GPRIN3: variants seen among roughly 807,000 people sequenced by gnomAD.
The protein encoded by GPRIN3 is G protein-regulated inducer of neurite outgrowth 3.
Under a neutral mutation model 13.7 loss-of-function variants are expected in GPRIN3, and 12 were observed. That is an observed-to-expected ratio of 0.87 (90% CI 0.56 to 1.42). The LOEUF is 1.42. GPRIN3 is among the 40% of genes most tolerant of loss of function. The pLI, the probability that GPRIN3 is intolerant of heterozygous loss-of-function variation, is 0.00. For missense variants in GPRIN3, 1,009 were observed against 958.7 expected, an observed-to-expected ratio of 1.05 and a Z score of -0.69; for synonymous variants, 377 against 372.7, an observed-to-expected ratio of 1.01 and a Z score of -0.13.
At chr4:89,292,991 T>C (rs1724624604) in intron 1 of GPRIN3, among the ~76,000 whole-genome samples, 1 of 152,212 alleles carries the variant, frequency 6.6e-6, no homozygotes, top group African/African-American at 2.4e-5. Flanking sequence ...ATGAGTTCAG[T>C]GGTAAATGAC....
intron 1 of GPRIN3, among the ~76,000 whole-genome samples, chr4:89,302,768 G>A (rs182014330): frequency 4.1e-4 from 63 of 152,132 alleles, no homozygotes; most frequent in African/African-American, 1.5e-3. Context: ...AAATGTTTTT[G>A]TTATTCCAGA....
At chr4:89,275,928 C>T (rs1724081217) in intron 1 of GPRIN3, among the ~76,000 whole-genome samples, 1 of 152,176 alleles carries the variant, frequency 6.6e-6, no homozygotes, top group South Asian at 2.1e-4. Context: ...GTGGAGCTCC[C>T]AGTTCCATAA....
chr4:89,285,796 A>G (rs1724389131), intron 1 of GPRIN3, among the ~76,000 whole-genome samples: 1 of 152,218 alleles, frequency 6.6e-6, no homozygotes, highest in Non-Finnish European at 1.5e-5. Flanking sequence ...GAACTGGCTT[A>G]TGAACTGGTG....
At chr4:89,256,887 T>C (rs552063816) in intron 1 of GPRIN3, among the ~76,000 whole-genome samples, 1 of 152,304 alleles carries the variant, frequency 6.6e-6, no homozygotes, top group South Asian at 2.1e-4. Flanking sequence ...ATCTAATTGC[T>C]CCCTTTAATT....
rs151008108 is a variant in GPRIN3, at chr4:89,249,291, G to T, written c.820C>A (p.Pro274Thr). 4.6e-5 allele frequency: 75 copies of T among 1,614,104 alleles called. 1 individual carries two copies. In the African/African-American group the frequency reaches 8.4e-4, roughly 18 times the overall value. ...TCTGGACCTGGGGGACATGCCGAAG[G>T]TTCGCTAGTGAGGGGGGTTGGTTGA... ...TPQPTPLTSE[P>T]SACPPGPEKV... Residue 274 changes from proline (P) to threonine (T), a missense_variant, in exon 2 of 2, where the codon CCT becomes ACT. Transcript: ENST00000609438.
rs1276610128 is a variant in GPRIN3 at position 89,248,873 on chromosome 4, AG to A, written c.1237del (p.Leu413TyrfsTer28). ...TGAGGTTTTAAGGACCCCACCTGGT[AG>A]GCTCGCAAGTTTATTTTCCCGTTGG... ...AFQRENKLASLPGGVLKTSSI... is the reference protein window; with the variant it reads ...AFQRENKLASXPGGVLKTSSI... On this transcript the variant is annotated frameshift_variant, in exon 2 of 2. Transcript: ENST00000609438. LOFTEE classifies it low-confidence loss of function (END_TRUNC). The A allele has an allele frequency of 2.5e-6, 4 of 1,613,942 alleles. No homozygotes were observed.
Position 89,277,569 on chromosome 4 carries a change from G to A in GPRIN3, c.-123-27336C>T, listed in dbSNP as rs143426612. ...ACAAGGAGACTGCCATGTCTTCCCC[G>A]TCTGCCAACTGCTGAGTCACCTGAT... On this transcript the variant is annotated intron_variant, in intron 1 of 1. Transcript: ENST00000609438. Among the ~76,000 whole-genome samples, 18 of 152,306 alleles carry A rather than the reference G, an allele frequency of 1.2e-4. No homozygotes were observed. In the East Asian group the frequency reaches 3.1e-3, roughly 26 times the overall value.
chr4:89,299,305 C>T (rs72872596), intron 1 of GPRIN3, among the ~76,000 whole-genome samples: 279 of 152,130 alleles, frequency 1.8e-3, no homozygotes, highest in African/African-American at 6.2e-3. Context: ...GCTGTTGAAA[C>T]ACCGACACTT....
chr4:89,238,037 A>T lies in GPRIN3; in HGVS notation c.*9743T>A, dbSNP rs1049889935. The stretch of plus-strand genomic sequence containing the variant: ...AAATGCATGAGGTTTTAATTTGACC[A>T]AGAATAAATGTTTAAGTATGCAAGA... On this transcript the variant is annotated 3_prime_UTR_variant, in exon 2 of 2. Coordinates refer to ENST00000609438, the MANE Select transcript of GPRIN3 (RefSeq NM_198281.3). 1 of 152,224 alleles carries T rather than the reference A, an allele frequency of 6.6e-6. No homozygotes were observed. The highest frequency in any genetic ancestry group is 1.5e-5 in the Non-Finnish European group (1 of 68,036). The allele number at this position is 152,224 out of a possible 1,614,324, so 9.4% of individuals were successfully genotyped here.
intron 1 of GPRIN3, among the ~76,000 whole-genome samples, chr4:89,269,943 T>C (rs187877446): frequency 1.7e-3 from 261 of 152,332 alleles, no homozygotes; most frequent in Non-Finnish European, 3.0e-3. Context: ...AATAATGTTT[T>C]CAATGGTTGG....
At chr4:89,252,564 A>G (rs1382942773) in intron 1 of GPRIN3, among the ~76,000 whole-genome samples, 2 of 152,238 alleles carry the variant, frequency 1.3e-5, no homozygotes, top group African/African-American at 4.8e-5. Flanking sequence ...AAAATAAGGC[A>G]AAATCAAATC....
In GPRIN3 at chr4:89,276,930, C is replaced by T. The variant is rs190561761; in HGVS notation, c.-123-26697G>A. 1.6e-3 allele frequency among the ~76,000 whole-genome samples: 247 copies of T among 152,240 alleles called. 4 individuals are homozygous for T. Among genetic ancestry groups the T allele is most frequent in the Admixed American group, 0.013 (192 of 15,298 alleles). On this transcript the variant is annotated intron_variant, in intron 1 of 1. Transcript: ENST00000609438. ...GGACATGTCCAATGAAATGAAAGCTCATAAAGATATGTGTCAAATATGCTG... is the reference window on the plus strand; with the variant it reads ...GGACATGTCCAATGAAATGAAAGCTTATAAAGATATGTGTCAAATATGCTG...
chr4:89,252,573 T>C (rs1723357782), intron 1 of GPRIN3, among the ~76,000 whole-genome samples: 1 of 152,174 alleles, frequency 6.6e-6, no homozygotes, highest in African/African-American at 2.4e-5. Flanking sequence ...CAAAATCAAA[T>C]CCGGTTGGAC....
chr4:89,239,932 G>A lies in GPRIN3; in HGVS notation c.*7848C>T, dbSNP rs1216066027. 1.3e-5 allele frequency: 2 copies of A among 152,224 alleles called. No individual in the cohort carries two copies. The highest frequency in any genetic ancestry group is 4.8e-5 in the African/African-American group (2 of 41,436). The allele number at this position is 152,224 out of a possible 1,614,324, so 9.4% of individuals were successfully genotyped here. A position where few individuals can be genotyped will look rare whatever the true frequency, so the allele number is the denominator to read the frequency against. On this transcript the variant is annotated 3_prime_UTR_variant, in exon 2 of 2. Transcript: ENST00000609438. ...CTGCCTTGGCCTCCCAAAGTGCTGG[G>A]ATTGCAGGTGTGAGCCACCACGCCC...
chr4:89,249,021 T>C lies in GPRIN3; in HGVS notation c.1090A>G (p.Ser364Gly), dbSNP rs1210249898. The change falls in exon 2 of 2, where the codon AGC becomes GGC. Residue 364 changes from serine to glycine, a missense_variant. By Grantham distance (56) the Ser-to-Gly change is moderately conservative. Transcript: ENST00000609438. ...AGCTCCAGTGTGTGGCTCCCACTGC[T>C]GTGGCAAATGACACGCAGCTGCTCT... Reference protein sequence around the residue: ...EQEQLRVICHSSGSHTLELSD... With the variant: ...EQEQLRVICHGSGSHTLELSD... 2.5e-6 allele frequency: 4 copies of C among 1,614,064 alleles called. No homozygotes were observed. Among genetic ancestry groups the C allele is most frequent in the Admixed American group, 3.3e-5 (2 of 60,012 alleles).
chr4:89,267,232 C>T (rs935449851), intron 1 of GPRIN3, among the ~76,000 whole-genome samples: 5 of 152,258 alleles, frequency 3.3e-5, no homozygotes, highest in Admixed American at 6.5e-5. Context: ...TTAAAACTTC[C>T]GAGTTAACCA....
chr4:89,250,207 C>G lies in GPRIN3; in HGVS notation c.-97G>C. On this transcript the variant is annotated 5_prime_UTR_variant, in exon 2 of 2. The change abolishes the stop of an existing upstream ORF in the 5' untranslated region. Transcript: ENST00000609438. The stretch of plus-strand genomic sequence containing the variant: ...TCAGAGCTCAGAGTGATGACACAGT[C>G]AGGGATGATTCCTCTGAAGAACCAG... The G allele has an allele frequency of 6.6e-7, 1 of 1,513,586 alleles. No individual in the cohort carries two copies. Among genetic ancestry groups the G allele is most frequent in the Non-Finnish European group, 8.8e-7 (1 of 1,131,996 alleles). 93.8% of individuals were successfully genotyped at this position (1,513,586 alleles called of 1,614,324 possible).
intron 1 of GPRIN3, among the ~76,000 whole-genome samples, chr4:89,301,000 G>C (rs193029572): frequency 2.6e-4 from 40 of 152,158 alleles, no homozygotes; most frequent in African/African-American, 9.4e-4. Flanking sequence ...TTCAAAGAAA[G>C]GCATGCTTAA....
rs182284881 is a variant in GPRIN3 at position 89,295,564 on chromosome 4, A to G, written c.-124+12051T>C. Among the ~76,000 whole-genome samples the G allele has an allele frequency of 5.3e-5, 8 of 152,278 alleles. No individual in the cohort carries two copies. The East Asian group carries it at 1.5e-3, about 29-fold the overall frequency. ...GTGATGATGAAGAGGGGGAGATAAC[A>G]AGGGCCCGTTTGGGTTCCAACAAAG... On this transcript the variant is annotated intron_variant, in intron 1 of 1. Coordinates refer to ENST00000609438, the MANE Select transcript of GPRIN3 (RefSeq NM_198281.3).
Sources: allele counts gnomAD v4.1 joint callset (sites outside exome capture counted in the v4.1 genomes callset), GRCh38; gene constraint gnomAD v4.1.1; transcripts MANE v1.5; gene names NCBI Gene and HGNC (gene_info 2026-07-23, HGNC 2026-07-21).